Variants in VEPH1 observed in about 807,000 individuals in gnomAD.
VEPH1 encodes the protein ventricular zone expressed PH domain containing 1.
In VEPH1, 80 loss-of-function variants were observed where a neutral mutation model predicts 85.2. The ratio of observed to expected loss-of-function variants is 0.94; its 90% confidence interval spans 0.78 to 1.13. The LOEUF is 1.13. Ranked by LOEUF, VEPH1 falls within the 50% of genes most tolerant of loss-of-function variation. The pLI, the probability that VEPH1 is intolerant of heterozygous loss-of-function variation, is 0.00. For synonymous variants in VEPH1, 297 were observed against 348.0 expected, an observed-to-expected ratio of 0.85 and a Z score of 1.63; for missense variants, 955 against 980.5, an observed-to-expected ratio of 0.97 and a Z score of 0.35.
rs771867289 is a variant in VEPH1, at chr3:157,364,428, T to C, written c.1212A>G (p.Lys404=). Residue 404 remains lysine (K), a synonymous_variant, in exon 8 of 14, where the codon AAA becomes AAG. Transcript: ENST00000362010. ...LIVTENEDHE[K]LQVKIQAFED... ...CAAAAGCCTGGATTTTAACTTGGAGTTTTTCATGGTCTTCATTTTCAGTTA... is the reference window on the plus strand; with the variant it reads ...CAAAAGCCTGGATTTTAACTTGGAGCTTTTCATGGTCTTCATTTTCAGTTA... 3.9e-5 allele frequency: 63 copies of C among 1,613,770 alleles called. No individual in the cohort carries two copies. Among genetic ancestry groups the C allele is most frequent in the Non-Finnish European group, 4.4e-5 (52 of 1,179,932 alleles).
chr3:157,308,952 C>T (rs188384978), intron 11 of VEPH1, among the ~76,000 whole-genome samples: 1 of 152,114 alleles, frequency 6.6e-6, no homozygotes, highest in Admixed American at 6.5e-5. Context: ...TCTAAATGAC[C>T]AGTAAAGTTA....
chr3:157,395,448 G>C (rs1366668250), intron 6 of VEPH1, among the ~76,000 whole-genome samples: 1 of 152,126 alleles, frequency 6.6e-6, no homozygotes, highest in African/African-American at 2.4e-5. Flanking sequence ...CGTCCATGTT[G>C]CTGAGCCCAT....
At chr3:157,377,909 A>AT (rs1207119485) in intron 7 of VEPH1, among the ~76,000 whole-genome samples, 2 of 152,064 alleles carry the variant, frequency 1.3e-5, no homozygotes, top group Non-Finnish European at 2.9e-5. Context: ...CTTATATAAT[A>AT]TTTTTTCTCT....
chr3:157,442,832 C>T, intron 4 of VEPH1: 3 of 1,614,172 alleles, frequency 1.9e-6, no homozygotes, highest in Non-Finnish European at 2.5e-6. Flanking sequence ...CTGGGAGACT[C>T]ACAGGCTTCA....
chr3:157,489,397 T>C, intron 2 of VEPH1: 1 of 323,252 alleles, frequency 3.1e-6, no homozygotes. Context: ...ACAGCCACAC[T>C]GACCTCAGAA....
intron 11 of VEPH1, among the ~76,000 whole-genome samples, chr3:157,313,094 C>T (rs1289288164): frequency 6.6e-6 from 1 of 151,384 alleles, no homozygotes; most frequent in East Asian, 1.9e-4. Context: ...TTAGTAGAGA[C>T]GGGGTTTCAC....
At chr3:157,291,688 T>G (rs1318820316) in intron 11 of VEPH1, among the ~76,000 whole-genome samples, 2 of 152,212 alleles carry the variant, frequency 1.3e-5, no homozygotes, top group East Asian at 3.8e-4. Flanking sequence ...ATGTTTTGGC[T>G]CTCAACTGGA....
intron 9 of VEPH1, among the ~76,000 whole-genome samples, chr3:157,320,356 G>T (rs1297281136): frequency 3.9e-5 from 6 of 152,078 alleles, no homozygotes; most frequent in Non-Finnish European, 8.8e-5. Flanking sequence ...GATATTTGAG[G>T]TATACTTTGA....
At chr3:157,456,148 T>C (rs926353319) in intron 4 of VEPH1, among the ~76,000 whole-genome samples, 3 of 152,240 alleles carry the variant, frequency 2.0e-5, no homozygotes, top group Admixed American at 6.5e-5. Context: ...TTTTTCATGA[T>C]TGTTGGCTGC....
chr3:157,433,259 T>C (rs549344673), intron 4 of VEPH1, among the ~76,000 whole-genome samples: 1 of 152,310 alleles, frequency 6.6e-6, no homozygotes, highest in Admixed American at 6.5e-5. Context: ...CAATACACAC[T>C]TTGATGAATA....
chr3:157,384,237 A>T (rs1465294778), intron 6 of VEPH1, among the ~76,000 whole-genome samples: 1 of 152,242 alleles, frequency 6.6e-6, no homozygotes, highest in Admixed American at 6.5e-5. Context: ...AGAAGGCGAC[A>T]TTTGAATTTG....
At chr3:157,264,558 G>T (rs576498413) in intron 13 of VEPH1, among the ~76,000 whole-genome samples, 1 of 152,274 alleles carries the variant, frequency 6.6e-6, no homozygotes, top group South Asian at 2.1e-4. Context: ...ACTCATTTAA[G>T]AACATGCTTT....
intron 9 of VEPH1, among the ~76,000 whole-genome samples, chr3:157,320,595 T>C (rs974947754): frequency 1.3e-5 from 2 of 152,200 alleles, no homozygotes; most frequent in African/African-American, 4.8e-5. Flanking sequence ...GTCTTAAATA[T>C]AGAATGCTTT....
intron 10 of VEPH1, chr3:157,315,809 A>G (rs1361129903): frequency 6.6e-6 from 1 of 151,834 alleles, no homozygotes; most frequent in Non-Finnish European, 1.5e-5. Flanking sequence ...TTTTTTTTTC[A>G]GAAAACTGAC....
intron 6 of VEPH1, among the ~76,000 whole-genome samples, chr3:157,382,178 A>G (rs565489050): frequency 6.6e-6 from 1 of 152,306 alleles, no homozygotes; most frequent in African/African-American, 2.4e-5. Flanking sequence ...CTTTCAGTGT[A>G]TTACAGTTTT....
intron 4 of VEPH1, among the ~76,000 whole-genome samples, chr3:157,457,061 T>G (rs542078500): frequency 2.1e-4 from 32 of 152,308 alleles, no homozygotes; most frequent in African/African-American, 7.2e-4. Flanking sequence ...AGGAGTGTTT[T>G]GTAGTTCTCC....
intron 9 of VEPH1, among the ~76,000 whole-genome samples, chr3:157,327,375 T>C (rs149409961): frequency 6.6e-6 from 1 of 152,338 alleles, no homozygotes; most frequent in East Asian, 1.9e-4. Flanking sequence ...AGGCAGGGAC[T>C]CTTAATTTTC....
chr3:157,280,701 G>T (rs985874826), intron 12 of VEPH1, among the ~76,000 whole-genome samples: 1 of 152,176 alleles, frequency 6.6e-6, no homozygotes, highest in African/African-American at 2.4e-5. Context: ...TTTTCCAAAA[G>T]ATGCTATTTC....
chr3:157,344,900 A>C (rs1459504829), intron 9 of VEPH1, among the ~76,000 whole-genome samples: 3 of 151,426 alleles, frequency 2.0e-5, no homozygotes, highest in African/African-American at 7.3e-5. Flanking sequence ...ATCTTTCACA[A>C]ACCTGACAAA....
Sources: allele counts gnomAD v4.1 joint callset (sites outside exome capture counted in the v4.1 genomes callset), GRCh38; gene constraint gnomAD v4.1.1; transcripts MANE v1.5; gene names NCBI Gene and HGNC (gene_info 2026-07-23, HGNC 2026-07-21).